GFRA2: variants seen among roughly 807,000 people sequenced by gnomAD.
The protein encoded by GFRA2 is GDNF family receptor alpha 2.
GFRA2 carries 17 observed loss-of-function variants against 48.3 expected under a neutral mutation model. The ratio of observed to expected loss-of-function variants is 0.35; its 90% CI spans 0.24 to 0.53. The LOEUF (loss-of-function observed/expected upper bound fraction) is 0.53. Ranked by LOEUF, GFRA2 falls within the 20% of genes least tolerant of loss-of-function variation. GFRA2 has a pLI of 0.93. For synonymous variants in GFRA2, 305 were observed against 257.2 expected (o/e 1.19, Z -1.78); for missense variants, 660 against 637.3 (o/e 1.04, Z -0.38).
intron 4 of GFRA2, among the ~76,000 whole-genome samples, chr8:21,736,609 T>A (rs759524839): frequency 5.3e-5 from 8 of 151,994 alleles, no homozygotes; most frequent in Non-Finnish European, 1.0e-4. Context: ...GATCCTTCCA[T>A]CTCAGCCTCT....
In GFRA2 at chr8:21,782,794, G is replaced by C; in HGVS notation, c.146C>G (p.Ala49Gly). The C allele has an allele frequency of 1.9e-6, 3 of 1,584,040 alleles. No individual in the cohort carries two copies. The highest frequency in any genetic ancestry group is 2.6e-6 in the Non-Finnish European group (3 of 1,169,536). Residue 49 changes from alanine to glycine, a missense_variant, in exon 2 of 9, where the codon GCC (alanine) becomes GGC (glycine). Physicochemically the swap from Ala to Gly is moderately conservative, Grantham distance 60. Transcript: ENST00000524240. ...DCVRANELCA[A>G]ESNCSSRYRT... ...GTAGCGAGAGCTGCAGTTGGATTCG[G>C]CGGCACACAGCTCATTGGCCCGGAC...
At chr8:21,693,487 G>A (rs1262282380) in intron 8 of GFRA2, 87 bp from the exon 9 acceptor site, 52 of 1,301,796 alleles carry the variant, frequency 4.0e-5, no homozygotes, top group Non-Finnish European at 5.4e-5. Flanking sequence ...GCAGAGAAAC[G>A]GACTCAGGAA....
chr8:21,735,937 G>A (rs1804439525), intron 4 of GFRA2, among the ~76,000 whole-genome samples: 1 of 152,206 alleles, frequency 6.6e-6, no homozygotes, highest in Non-Finnish European at 1.5e-5. Context: ...CCAGGTGTAA[G>A]CTAAAGCACC....
chr8:21,775,969 G>A (rs1274958544), intron 2 of GFRA2, among the ~76,000 whole-genome samples: 2 of 150,418 alleles, frequency 1.3e-5, no homozygotes, highest in Admixed American at 1.3e-4. Context: ...AGGGGAAATT[G>A]ATGGCTCACC....
chr8:21,795,845 A>G (rs2117107113), intron 2 of GFRA2, among the ~76,000 whole-genome samples: 1 of 152,250 alleles, frequency 6.6e-6, no homozygotes, highest in Admixed American at 6.5e-5. Context: ...CACCTACTAC[A>G]GGCCTGGGCT....
intron 4 of GFRA2, among the ~76,000 whole-genome samples, chr8:21,726,446 T>TAAAGGA (rs1277149290): frequency 6.6e-6 from 1 of 152,178 alleles, no homozygotes; most frequent in Non-Finnish European, 1.5e-5. Context: ...CTCAGTGGCT[T>TAAAGGA]AAAATAACAC....
intron 4 of GFRA2, among the ~76,000 whole-genome samples, chr8:21,743,249 C>T (rs559662569): frequency 6.6e-6 from 1 of 152,210 alleles, no homozygotes; most frequent in East Asian, 1.9e-4. Context: ...CCTTTTCCCC[C>T]CGACACTCCT....
chr8:21,695,022 A>C (rs537775138), intron 7 of GFRA2, among the ~76,000 whole-genome samples: 13 of 152,328 alleles, frequency 8.5e-5, no homozygotes, highest in African/African-American at 3.1e-4. Flanking sequence ...ATGAGCATTC[A>C]TCTGGGCTTG....
At chr8:21,794,385 A>G (rs1807632548) in intron 2 of GFRA2, among the ~76,000 whole-genome samples, 1 of 151,544 alleles carries the variant, frequency 6.6e-6, no homozygotes, top group African/African-American at 2.4e-5. Flanking sequence ...CAAGTAGCTG[A>G]GATTACAGGC....
At chr8:21,748,986 C>G (rs939892688) in intron 4 of GFRA2, among the ~76,000 whole-genome samples, 3 of 152,208 alleles carry the variant, frequency 2.0e-5, no homozygotes, top group Non-Finnish European at 4.4e-5. Flanking sequence ...CCCCTCCTCC[C>G]CTGGACACCC....
At chr8:21,752,265 G>A (rs898810273) in intron 3 of GFRA2, among the ~76,000 whole-genome samples, 7 of 151,984 alleles carry the variant, frequency 4.6e-5, no homozygotes, top group South Asian at 4.2e-4. Context: ...CCCCTCAATC[G>A]AGTTGTCTAC....
intron 3 of GFRA2, among the ~76,000 whole-genome samples, chr8:21,772,116 AAGGTTGGG>A: frequency 6.6e-6 from 1 of 152,188 alleles, no homozygotes; most frequent in South Asian, 2.1e-4. Flanking sequence ...TGATGGGACA[AAGGTTGGG>A]AAGCACTGCT....
intron 3 of GFRA2, among the ~76,000 whole-genome samples, chr8:21,771,124 C>T (rs906699225): frequency 1.3e-5 from 2 of 152,106 alleles, no homozygotes; most frequent in Non-Finnish European, 2.9e-5. Flanking sequence ...CCATTCCCAC[C>T]GAACCCTCTT....
chr8:21,694,341 A>T (rs1187979523), intron 8 of GFRA2, 123 bp downstream of exon 8: 30 of 923,150 alleles, frequency 3.2e-5, no homozygotes, highest in Non-Finnish European at 4.0e-5. Flanking sequence ...CCTGGTCCAG[A>T]AGCTCAGCTG....
At chr8:21,712,762 C>T (rs1242566959) in intron 4 of GFRA2, among the ~76,000 whole-genome samples, 10 of 152,230 alleles carry the variant, frequency 6.6e-5, no homozygotes, top group South Asian at 2.1e-4. Flanking sequence ...CACGGCACCT[C>T]GGGAGGCCGA....
intron 1 of GFRA2, among the ~76,000 whole-genome samples, chr8:21,810,606 G>A (rs778452551): frequency 6.6e-6 from 1 of 152,220 alleles, no homozygotes; most frequent in African/African-American, 2.4e-5. Flanking sequence ...CCATCTCAGT[G>A]GCTGTGATGG....
intron 3 of GFRA2, among the ~76,000 whole-genome samples, chr8:21,771,473 T>C (rs74576786): frequency 0.082 from 12,426 of 152,068 alleles, 660 homozygotes; most frequent in East Asian, 0.2. Context: ...TCAGGACTCA[T>C]TGACCCACTG....
chr8:21,798,363 G>C (rs1398470594), intron 2 of GFRA2, among the ~76,000 whole-genome samples: 8 of 152,186 alleles, frequency 5.3e-5, no homozygotes, highest in Non-Finnish European at 4.4e-5. Flanking sequence ...AAAGAAAAAG[G>C]AAGCAAGAGA....
intron 3 of GFRA2, among the ~76,000 whole-genome samples, chr8:21,760,182 G>A (rs372005922): frequency 3.3e-5 from 5 of 152,148 alleles, no homozygotes; most frequent in Non-Finnish European, 5.9e-5. Context: ...GAGACCTTGC[G>A]GGGCAGGTAA....
Sources: allele counts gnomAD v4.1 joint callset (sites outside exome capture counted in the v4.1 genomes callset), GRCh38; gene constraint gnomAD v4.1.1; transcripts MANE v1.5; gene names NCBI Gene and HGNC (gene_info 2026-07-23, HGNC 2026-07-21).